The following C9orf85 variants were observed in gnomAD, a reference collection of about 807,000 sequenced individuals.
C9orf85 encodes the protein uncharacterized protein C9orf85.
In C9orf85, 16 loss-of-function variants were observed where a neutral mutation model predicts 14.9. The observed-to-expected ratio is 1.08, with a 90% confidence interval of 0.73 to 1.63. C9orf85 has a LOEUF of 1.63. C9orf85 is among the 40% of genes most tolerant of loss of function. C9orf85 has a pLI of 0.00. For missense variants in C9orf85, 172 were observed against 186.1 expected (o/e 0.92, Z 0.44); for synonymous variants, 45 against 56.8 (o/e 0.79, Z 0.93).
rs748031582 is a variant in C9orf85 at position 71,911,731 on chromosome 9, G to T, written c.-4G>T. Reference sequence around the variant, plus strand: ...CCCGGCGAGGGGTGGCTTTGATTTCGGCGATGAGCTCCCAGAAAGGCAACG... The same window carrying T: ...CCCGGCGAGGGGTGGCTTTGATTTCTGCGATGAGCTCCCAGAAAGGCAACG... On this transcript the variant is annotated 5_prime_UTR_variant, in exon 1 of 4. Transcript: ENST00000334731. 6.8e-6 allele frequency: 11 copies of T among 1,613,848 alleles called. No homozygotes were observed. The East Asian group carries it at 1.3e-4, about 20-fold the overall frequency.
At chr9:71,920,227 A>C (rs1056675600) in intron 1 of C9orf85, among the ~76,000 whole-genome samples, 3 of 152,160 alleles carry the variant, frequency 2.0e-5, no homozygotes, top group African/African-American at 7.2e-5. Context: ...TAGGTACTTC[A>C]TTTTATGTCT....
chr9:71,945,389 T>C (rs1201156833), intron 1 of C9orf85, among the ~76,000 whole-genome samples: 1 of 152,164 alleles, frequency 6.6e-6, no homozygotes, highest in Non-Finnish European at 1.5e-5. Context: ...AAGCAGGGGA[T>C]ATAGTAGCAT....
intron 3 of C9orf85, among the ~76,000 whole-genome samples, chr9:71,982,493 T>G (rs1335597561): frequency 6.6e-6 from 1 of 152,176 alleles, no homozygotes; most frequent in Non-Finnish European, 1.5e-5. Flanking sequence ...CTGCACCCTT[T>G]TACAATCCTA....
intron 1 of C9orf85, among the ~76,000 whole-genome samples, chr9:71,930,082 T>A (rs1828033896): frequency 6.6e-6 from 1 of 151,756 alleles, no homozygotes; most frequent in Non-Finnish European, 1.5e-5. Context: ...GTCTTTTGAA[T>A]AAAAATTATT....
chr9:71,947,677 CTT>C (rs2132309649), intron 2 of C9orf85, among the ~76,000 whole-genome samples: 1 of 148,220 alleles, frequency 6.7e-6, no homozygotes, highest in African/African-American at 2.5e-5. Context: ...GAGTTTTGCT[CTT>C]GTCACCCAGC....
At chr9:71,968,101 T>G (rs56232000) in intron 2 of C9orf85, among the ~76,000 whole-genome samples, 95,389 of 146,782 alleles carry the variant, frequency 0.65, 31,796 homozygotes, top group Non-Finnish European at 0.73. Flanking sequence ...TATATATATA[T>G]AGAGAGAGAG....
At chr9:71,943,010 C>G (rs1821980043) in intron 1 of C9orf85, among the ~76,000 whole-genome samples, 1 of 151,976 alleles carries the variant, frequency 6.6e-6, no homozygotes. Flanking sequence ...TATCCTCTAG[C>G]CAAATTTAGA....
chr9:71,938,446 C>T (rs1828245326), intron 1 of C9orf85, among the ~76,000 whole-genome samples: 1 of 151,888 alleles, frequency 6.6e-6, no homozygotes, highest in Non-Finnish European at 1.5e-5. Context: ...TAATAATGCA[C>T]AAATTTGAGA....
In C9orf85 at chr9:71,973,231, C is replaced by G. The variant is rs1822935524; in HGVS notation, c.*389C>G. The G allele has an allele frequency of 6.6e-6, 1 of 152,320 alleles. No homozygotes were observed. The highest frequency in any genetic ancestry group is 2.1e-4 in the South Asian group (1 of 4,822). The allele number at this position is 152,320 out of a possible 1,614,324, so 9.4% of individuals were successfully genotyped here. A position where few individuals can be genotyped will look rare whatever the true frequency, so the allele number is the denominator to read the frequency against. On this transcript the variant is annotated 3_prime_UTR_variant, in exon 4 of 4. Coordinates refer to ENST00000334731, the MANE Select transcript of C9orf85 (RefSeq NM_182505.5). ...GTATTTTCCAAAAGATATTTGAAAT[C>G]CTAATGAGGAAATCAGAAAAAGCTA...
In C9orf85 at chr9:71,935,243, A is replaced by C. The variant is rs73474126; in HGVS notation, c.103-11763A>C. Reference sequence around the variant, plus strand: ...TTAAAAACAAAATCATTATATGATCATATGATTTCACTTCTGGGTATATCC... The same window carrying C: ...TTAAAAACAAAATCATTATATGATCCTATGATTTCACTTCTGGGTATATCC... On this transcript the variant is annotated intron_variant, in intron 1 of 3. Transcript: ENST00000334731. 6.3e-3 allele frequency among the ~76,000 whole-genome samples: 960 copies of C among 152,318 alleles called. 10 individuals carry two copies. The highest frequency in any genetic ancestry group is 0.022 in the African/African-American group (903 of 41,564).
intron 1 of C9orf85, among the ~76,000 whole-genome samples, chr9:71,930,440 C>T (rs1828043605): frequency 6.6e-6 from 1 of 151,974 alleles, no homozygotes; most frequent in Non-Finnish European, 1.5e-5. Context: ...ATTACTCTCC[C>T]GTTAATTATG....
chr9:71,936,868 C>T (rs1828204166), intron 1 of C9orf85, among the ~76,000 whole-genome samples: 1 of 151,630 alleles, frequency 6.6e-6, no homozygotes, highest in African/African-American at 2.4e-5. Context: ...AAGCGATCCT[C>T]CCACCTCAGC....
rs568107986 is a variant in C9orf85 at position 71,980,580 on chromosome 9, G to A, written c.324-2077G>A. ...ACTATATTATTTACACTTCCCAACA[G>A]TGTACTGTACTCGATATGTTTTCTG... is the stretch of plus-strand genomic sequence containing the variant. On this transcript the variant is annotated intron_variant, in intron 3 of 3. Transcript: ENST00000377031. Among the ~76,000 whole-genome samples the A allele has an allele frequency of 2.6e-5, 4 of 152,230 alleles. No individual in the cohort carries two copies. In the South Asian group the frequency reaches 6.2e-4, roughly 24 times the overall value.
At chr9:71,960,055 A>G (rs1486526083) in intron 2 of C9orf85, among the ~76,000 whole-genome samples, 1 of 152,202 alleles carries the variant, frequency 6.6e-6, no homozygotes, top group Non-Finnish European at 1.5e-5. Context: ...CAGTTTGCAA[A>G]AAGTGCTAGG....
At chr9:71,970,015 G>C (rs1315791979) in intron 2 of C9orf85, among the ~76,000 whole-genome samples, 1 of 151,274 alleles carries the variant, frequency 6.6e-6, no homozygotes, top group Non-Finnish European at 1.5e-5. Context: ...CACAATCTCA[G>C]CTCACTGCAA....
At chr9:71,946,891 T>C in intron 1 of C9orf85, 115 bp from the exon 2 acceptor site, 1 of 586,088 alleles carries the variant, frequency 1.7e-6, no homozygotes. Flanking sequence ...TAAATTGTTA[T>C]GCAGATTAAG....
At chr9:71,972,013 A>G (rs1044138101) in intron 3 of C9orf85, among the ~76,000 whole-genome samples, 2 of 151,634 alleles carry the variant, frequency 1.3e-5, no homozygotes, top group South Asian at 2.1e-4. Flanking sequence ...TCCGTGATCC[A>G]TAACCCTTAG....
At chr9:71,966,284 A>G (rs566325360) in intron 2 of C9orf85, among the ~76,000 whole-genome samples, 4 of 152,308 alleles carry the variant, frequency 2.6e-5, no homozygotes, top group South Asian at 2.1e-4. Context: ...TCATTGCTCA[A>G]TTAAACTCCT....
At chr9:71,967,598 C>T (rs1298732771) in intron 2 of C9orf85, among the ~76,000 whole-genome samples, 2 of 151,832 alleles carry the variant, frequency 1.3e-5, no homozygotes, top group Non-Finnish European at 2.9e-5. Flanking sequence ...ATTAAACTCA[C>T]TGTTTATGTC....
Sources: gnomAD v4.1 joint callset for allele counts (sites outside exome capture counted in the v4.1 genomes callset) on GRCh38, gnomAD v4.1.1 for gene constraint, MANE v1.5 for transcripts, NCBI Gene and HGNC (gene_info 2026-07-23, HGNC 2026-07-21) for gene names.